LGMN: variants seen among roughly 807,000 people sequenced by gnomAD.
LGMN encodes the protein legumain, also known as asparaginyl endopeptidase.
Under a neutral mutation model 56.8 loss-of-function variants are expected in LGMN, and 36 were observed. The observed-to-expected ratio is 0.63, with a 90% CI of 0.49 to 0.84. The LOEUF is 0.84. Among genes scored for constraint, LGMN ranks in the 40% least tolerant of loss-of-function variants. The probability of loss-of-function intolerance (pLI) is 0.00; values close to 1 mark genes in which losing one functional copy is unlikely to be tolerated. For missense variants in LGMN, 446 were observed against 556.1 expected (o/e 0.80, Z 1.99); for synonymous variants, 199 against 210.1 (o/e 0.95, Z 0.46).
At chr14:92,707,816 AAAG>A (rs1219280222) in intron 11 of LGMN, among the ~76,000 whole-genome samples, 1 of 152,206 alleles carries the variant, frequency 6.6e-6, no homozygotes, top group Admixed American at 6.5e-5. Context: ...AGCAGATACC[AAAG>A]AAGTCCTATA....
rs966955719 is a variant in LGMN at position 92,709,716 on chromosome 14, C to T, written c.976G>A (p.Glu326Lys). The change falls in exon 11 of 14, where the codon GAG becomes AAG. Residue 326 changes from glutamate to lysine, a missense_variant. Transcript: ENST00000334869. ...KRKLMNTNDLEESRQLTEEIQ... is the reference protein window; with the variant it reads ...KRKLMNTNDLKESRQLTEEIQ... ...TCCTCCGTGAGCTGCCTGGACTCCTCCAGATCATTGGTGTTCATCAGTTTC... is the reference window on the plus strand; with the variant it reads ...TCCTCCGTGAGCTGCCTGGACTCCTTCAGATCATTGGTGTTCATCAGTTTC... 2 of 1,613,900 alleles carry T rather than the reference C, an allele frequency of 1.2e-6. No homozygotes were observed. The highest frequency in any genetic ancestry group is 1.7e-6 in the Non-Finnish European group (2 of 1,179,906).
At position 92,716,875 on chromosome 14, in the gene LGMN, G is replaced by C. The variant is rs186426007; in HGVS notation, c.318+505C>G. On this transcript the variant is annotated intron_variant, in intron 4 of 13. Transcript: ENST00000334869. ...AGGCATCACGGTCGATTTTAAAAAT[G>C]TGTCAATTGAGACAGTCTCAATCAA... 2.6e-5 allele frequency among the ~76,000 whole-genome samples: 4 copies of C among 152,226 alleles called. No homozygotes were observed. The East Asian group carries it at 7.7e-4, about 29-fold the overall frequency.
At position 92,738,743 on chromosome 14, in the gene LGMN, G is replaced by A. The variant is rs536891989; in HGVS notation, c.-29-5928C>T. On this transcript the variant is annotated intron_variant, in intron 1 of 13. Coordinates refer to ENST00000334869, the MANE Select transcript of LGMN (RefSeq NM_005606.7). Reference sequence around the variant, plus strand: ...TACTTTAAAAACCACATACATGGCCGGGCACAGTGGCTCATGCCTGTAATC... The same window carrying A: ...TACTTTAAAAACCACATACATGGCCAGGCACAGTGGCTCATGCCTGTAATC... Among the ~76,000 whole-genome samples the A allele has an allele frequency of 4.0e-5, 6 of 151,732 alleles. No individual in the cohort carries two copies. The South Asian group carries it at 8.4e-4, about 21-fold the overall frequency.
In LGMN at chr14:92,733,010, G is replaced by A. The variant is rs1021214783; in HGVS notation, c.-29-195C>T. 3.3e-5 allele frequency among the ~76,000 whole-genome samples: 5 copies of A among 152,106 alleles called. No individual in the cohort carries two copies. The East Asian group carries it at 7.7e-4, about 24-fold the overall frequency. ...CTAAAAATACAAAACTTAGCTAGGC[G>A]TGGTAGCACGTACCTATAATCCCAG... On this transcript the variant is annotated intron_variant, in intron 1 of 13. Coordinates refer to ENST00000334869, the MANE Select transcript of LGMN (RefSeq NM_005606.7).
intron 3 of LGMN, among the ~76,000 whole-genome samples, chr14:92,717,680 G>A (rs1030113399): frequency 5.9e-5 from 9 of 152,212 alleles, no homozygotes; most frequent in Non-Finnish European, 1.2e-4. Context: ...GTGAGGAGCT[G>A]AGCCCGAAAA....
intron 2 of LGMN, among the ~76,000 whole-genome samples, chr14:92,730,875 A>AG (rs1340848312): frequency 1.3e-5 from 2 of 151,588 alleles, no homozygotes; most frequent in Non-Finnish European, 2.9e-5. Context: ...AGCTGCAGTG[A>AG]GCCGAGATCG....
intron 1 of LGMN, among the ~76,000 whole-genome samples, chr14:92,737,287 T>C (rs554700577): frequency 6.6e-6 from 1 of 152,248 alleles, no homozygotes; most frequent in East Asian, 1.9e-4. Context: ...AACACAAATA[T>C]AGCCTTTTAC....
chr14:92,734,572 G>A (rs2140267404), intron 1 of LGMN, among the ~76,000 whole-genome samples: 1 of 151,784 alleles, frequency 6.6e-6, no homozygotes, highest in Non-Finnish European at 1.5e-5. Context: ...TCCGGGAGGT[G>A]AAGGATACAG....
chr14:92,742,292 CTT>C (rs756259014), intron 1 of LGMN, among the ~76,000 whole-genome samples: 1 of 84,014 alleles, frequency 1.2e-5, no homozygotes, highest in Non-Finnish European at 2.1e-5. Flanking sequence ...TTTTGTTTTG[CTT>C]TTTTTTTTTT....
intron 8 of LGMN, 148 bp downstream of exon 8, chr14:92,712,657 C>A: frequency 1.5e-6 from 1 of 680,448 alleles, no homozygotes; most frequent in Non-Finnish European, 2.6e-6. Context: ...CAGAGGAAGC[C>A]CAGAGCTACC....
intron 10 of LGMN, among the ~76,000 whole-genome samples, chr14:92,710,690 A>G (rs935375654): frequency 6.6e-5 from 10 of 152,348 alleles, no homozygotes; most frequent in African/African-American, 2.4e-4. Context: ...CAAGATCAGA[A>G]ATGGCCAATG....
At chr14:92,710,502 G>T (rs533704983) in intron 10 of LGMN, among the ~76,000 whole-genome samples, 2 of 152,228 alleles carry the variant, frequency 1.3e-5, no homozygotes. Context: ...GGCCAGGCTC[G>T]ATTTGGCTGT....
chr14:92,712,747 C>T (rs1889848792), intron 8 of LGMN, 58 bp downstream of exon 8: 11 of 1,493,008 alleles, frequency 7.4e-6, no homozygotes, highest in Admixed American at 1.7e-5. Flanking sequence ...TCCATGTCAG[C>T]GGTGTCTGAG....
chr14:92,747,431 A>AGTT (rs1215183278), intron 1 of LGMN, among the ~76,000 whole-genome samples: 2 of 152,186 alleles, frequency 1.3e-5, no homozygotes, highest in African/African-American at 2.4e-5. Context: ...TGGAGGTTGC[A>AGTT]GTGAGCCGAG....
chr14:92,739,057 A>C (rs1891434821), intron 1 of LGMN, among the ~76,000 whole-genome samples: 1 of 151,720 alleles, frequency 6.6e-6, no homozygotes, highest in Non-Finnish European at 1.5e-5. Context: ...ATACACTAAC[A>C]CTATTTTGGG....
At chr14:92,746,334 A>G (rs1891818935) in intron 1 of LGMN, among the ~76,000 whole-genome samples, 1 of 152,188 alleles carries the variant, frequency 6.6e-6, no homozygotes, top group South Asian at 2.1e-4. Flanking sequence ...TGGGATTCCA[A>G]TTATGGTCTG....
chr14:92,723,463 C>A (rs1257043943), intron 2 of LGMN, among the ~76,000 whole-genome samples: 1 of 152,126 alleles, frequency 6.6e-6, no homozygotes, highest in Non-Finnish European at 1.5e-5. Flanking sequence ...GGAAACAACC[C>A]AAATGTCCAT....
At chr14:92,742,895 A>G (rs1037611121) in intron 1 of LGMN, 1 of 152,166 alleles carries the variant, frequency 6.6e-6, no homozygotes, top group Non-Finnish European at 1.5e-5. Flanking sequence ...TACAGCCAGC[A>G]TGATGGTGCA....
rs1889318030 is a variant in LGMN, at chr14:92,704,440, C to T, written c.1260-79G>A. The T allele has an allele frequency of 6.3e-6, 8 of 1,260,314 alleles. No homozygotes were observed. In the Admixed American group the frequency reaches 1.3e-4, roughly 20 times the overall value. The allele number at this position is 1,260,314 out of a possible 1,614,324, so 78.1% of individuals were successfully genotyped here. A position where few individuals can be genotyped will look rare whatever the true frequency, so the allele number is the denominator to read the frequency against. On this transcript the variant is annotated intron_variant, in intron 13 of 13. Transcript: ENST00000334869. ...CAGACAAACGCAAACCCACATGCGG[C>T]AGGCAGGCAGTTATGACAGGCCCGC... is the stretch of plus-strand genomic sequence containing the variant.
Sources: allele counts gnomAD v4.1 joint callset (sites outside exome capture counted in the v4.1 genomes callset), GRCh38; gene constraint gnomAD v4.1.1; transcripts MANE v1.5; gene names NCBI Gene and HGNC (gene_info 2026-07-23, HGNC 2026-07-21).